Variants in C16orf95 observed in about 807,000 individuals in gnomAD.
C16orf95 encodes uncharacterized protein C16orf95.
A neutral mutation model predicts 32.1 loss-of-function variants in C16orf95; 41 were observed. The observed-to-expected ratio is 1.28, with a 90% confidence interval of 1.00 to 1.66. The LOEUF (loss-of-function observed/expected upper bound fraction) is 1.66. Among genes scored for constraint, C16orf95 ranks in the 40% most tolerant of loss-of-function variants. The probability of loss-of-function intolerance (pLI) is 0.00; values close to 1 mark genes in which losing one functional copy is unlikely to be tolerated. For missense variants in C16orf95, 399 were observed against 325.9 expected (o/e 1.22, Z -1.73); for synonymous variants, 147 against 128.9 (o/e 1.14, Z -0.95).
At position 87,317,372 on chromosome 16, in the gene C16orf95, C is replaced by G; in HGVS notation, c.-130G>C. On this transcript the variant is annotated 5_prime_UTR_variant, in exon 1 of 7. Coordinates refer to ENST00000567970, the MANE Select transcript of C16orf95 (RefSeq NM_001195124.3). ...GCTCAACCCCAGCCCCAACCTCAAC[C>G]GCTCAGAGGAGCCCAACAACGCCCG... The G allele has an allele frequency of 7.1e-7, 1 of 1,405,534 alleles. No homozygotes were observed. The allele number at this position is 1,405,534 out of a possible 1,614,324, so 87.1% of individuals were successfully genotyped here.
intron 5 of C16orf95, among the ~76,000 whole-genome samples, chr16:87,307,887 G>A (rs1044568241): frequency 2.6e-5 from 4 of 152,234 alleles, no homozygotes; most frequent in African/African-American, 9.6e-5. Flanking sequence ...AGAGCTGAGG[G>A]TCCTGGGAAT....
chr16:87,310,360 GTCA>G (rs1327467499), intron 4 of C16orf95, 27 bp from the exon 5 acceptor site: 14 of 1,535,826 alleles, frequency 9.1e-6, no homozygotes, highest in Non-Finnish European at 1.2e-5. Context: ...GAGGCAAGCA[GTCA>G]GCCTGGCGAC....
At chr16:87,314,751 G>C (rs1320745284) in intron 3 of C16orf95, among the ~76,000 whole-genome samples, 1 of 152,140 alleles carries the variant, frequency 6.6e-6, no homozygotes, top group Non-Finnish European at 1.5e-5. Flanking sequence ...ATGATAACTG[G>C]GTACTCATGC....
intron 3 of C16orf95, 60 bp downstream of exon 3, chr16:87,314,911 C>G: frequency 1.4e-6 from 2 of 1,423,290 alleles, no homozygotes; most frequent in Non-Finnish European, 1.9e-6. Context: ...TGAGGGGTGA[C>G]TGGTCAACTG....
intron 1 of C16orf95, among the ~76,000 whole-genome samples, chr16:87,316,107 G>A (rs1904327161): frequency 6.6e-6 from 1 of 152,184 alleles, no homozygotes. Context: ...CTACACTTGT[G>A]CTTGGAGCAT....
chr16:87,310,370 C>A (rs1911226282), intron 4 of C16orf95, 37 bp from the exon 5 acceptor site: 6 of 1,535,248 alleles, frequency 3.9e-6, no homozygotes, highest in African/African-American at 1.4e-5. Context: ...GTCAGCCTGG[C>A]GACCCTCCAA....
rs961499930 is a variant in C16orf95, at chr16:87,303,131, C to T, written c.702-56G>A. The T allele has an allele frequency of 2.0e-6, 3 of 1,524,370 alleles. No homozygotes were observed. The Admixed American group carries it at 5.9e-5, about 30-fold the overall frequency. The allele number at this position is 1,524,370 out of a possible 1,614,324, so 94.4% of individuals were successfully genotyped here. ...CCCGGCCCCAGGCTGAGACCAGCTG[C>T]CCTCAGCGCGTGCCCTTGGGAAACC... On this transcript the variant is annotated intron_variant, in intron 6 of 6. Coordinates refer to ENST00000567970, the MANE Select transcript of C16orf95 (RefSeq NM_001195124.3).
At chr16:87,313,301 A>C (rs751978784) in intron 3 of C16orf95, among the ~76,000 whole-genome samples, 27 of 152,374 alleles carry the variant, frequency 1.8e-4, no homozygotes, top group Admixed American at 5.2e-4. Context: ...TAATCAAGAC[A>C]GTGTAGTATT....
rs1260705476 is a variant in C16orf95 at position 87,310,333 on chromosome 16, T to A, written c.478A>T (p.Ile160Leu). The change falls in exon 5 of 7, where the codon ATA becomes TTA. Residue 160 changes from isoleucine (I) to leucine (L), a missense_variant and splice_region_variant. Coordinates refer to ENST00000567970, the MANE Select transcript of C16orf95 (RefSeq NM_001195124.3). ...VPQVLRSQQQ[I>L]VRRQQSLKGI... is the part of the protein sequence containing the mutation. ...TTCAAACTCTGCTGCCTCCTGACTA[T>A]CTAAAAGACAAGAATGGAGGCAAGC... The A allele has an allele frequency of 6.5e-7, 1 of 1,535,888 alleles. No homozygotes were observed. Among genetic ancestry groups the A allele is most frequent in the Admixed American group, 2.0e-5 (1 of 50,966 alleles).
In C16orf95 at chr16:87,311,220, C is replaced by A. The variant is rs867412641; in HGVS notation, c.407G>T (p.Arg136Leu). 1 of 1,535,760 alleles carries A rather than the reference C, an allele frequency of 6.5e-7. No homozygotes were observed. The highest frequency in any genetic ancestry group is 8.7e-7 in the Non-Finnish European group (1 of 1,146,622). ...CPCLCHRFGG[R>L]LPMPRDQAVM... The stretch of plus-strand genomic sequence containing the variant: ...TGCCTGGTCCCTAGGCATCGGGAGG[C>A]GGCCCCCAAAGCGGTGGCATAGGCA... The change falls in exon 4 of 7, where the codon CGC becomes CTC. Residue 136 changes from arginine (R) to leucine (L), a missense_variant. Physicochemically the swap from Arg to Leu is moderately radical, Grantham distance 102. Coordinates refer to ENST00000567970, the MANE Select transcript of C16orf95 (RefSeq NM_001195124.3).
In C16orf95 at chr16:87,315,840, GA is replaced by G; in HGVS notation, c.153-18del. 6.6e-7 allele frequency: 1 copy of G among 1,525,264 alleles called. No homozygotes were observed. Among genetic ancestry groups the G allele is most frequent in the East Asian group, 2.5e-5 (1 of 40,468 alleles). 94.5% of individuals were successfully genotyped at this position (1,525,264 alleles called of 1,614,324 possible). A position where few individuals can be genotyped will look rare whatever the true frequency, so the allele number is the denominator to read the frequency against. On this transcript the variant is annotated intron_variant, in intron 1 of 6. Coordinates refer to ENST00000567970, the MANE Select transcript of C16orf95 (RefSeq NM_001195124.3). The stretch of plus-strand genomic sequence containing the variant: ...GTGCTATTCCTAGAAGAGAAGAACA[GA>G]AAAGCTTAGGGTTTGTGTAAACTAG...
rs890111725 is a variant in C16orf95, at chr16:87,317,292, C to T, written c.-50G>A. 1.1e-5 allele frequency: 16 copies of T among 1,460,516 alleles called. No individual in the cohort carries two copies. The highest frequency in any genetic ancestry group is 9.4e-5 in the Admixed American group (4 of 42,644). The allele number at this position is 1,460,516 out of a possible 1,614,324, so 90.5% of individuals were successfully genotyped here. A position where few individuals can be genotyped will look rare whatever the true frequency, so the allele number is the denominator to read the frequency against. On this transcript the variant is annotated 5_prime_UTR_variant, in exon 1 of 7. Coordinates refer to ENST00000567970, the MANE Select transcript of C16orf95 (RefSeq NM_001195124.3). ...CTTTCACACACACATCGTCCGCAGG[C>T]CCTGACGCCCTGGCTCCCGCCTTTC...
chr16:87,303,223 G>A (rs1429592791), intron 6 of C16orf95, 148 bp from the exon 7 acceptor site: 4 of 768,108 alleles, frequency 5.2e-6, no homozygotes, highest in African/African-American at 1.7e-5. Flanking sequence ...CAGGGAAGGG[G>A]TGCAGGGATG....
rs1384827000 is a variant in C16orf95, at chr16:87,315,754, A to G, written c.204+18T>C. ...ATGTTGGGGTCAGGGCCAGTGGCTGAGGATTTGCTTTCCTTACCGAATGAC... is the reference window on the plus strand; with the variant it reads ...ATGTTGGGGTCAGGGCCAGTGGCTGGGGATTTGCTTTCCTTACCGAATGAC... On this transcript the variant is annotated intron_variant, in intron 2 of 6. Coordinates refer to ENST00000567970, the MANE Select transcript of C16orf95 (RefSeq NM_001195124.3). 1 of 1,524,186 alleles carries G rather than the reference A, an allele frequency of 6.6e-7. No individual in the cohort carries two copies. The highest frequency in any genetic ancestry group is 8.8e-7 in the Non-Finnish European group (1 of 1,140,384). 94.4% of individuals were successfully genotyped at this position (1,524,186 alleles called of 1,614,324 possible).
intron 6 of C16orf95, 103 bp from the exon 7 acceptor site, chr16:87,303,178 C>T (rs933223193): frequency 4.9e-5 from 56 of 1,152,356 alleles, no homozygotes; most frequent in South Asian, 9.2e-5. Context: ...AAGGCAGAGG[C>T]GCTCCACAGT....
chr16:87,315,621 T>G, intron 2 of C16orf95, 151 bp downstream of exon 2: 1 of 589,068 alleles, frequency 1.7e-6, no homozygotes, highest in Non-Finnish European at 2.8e-6. Context: ...GGAGGTGTTC[T>G]GGAGGCCCAG....
At position 87,302,949 on chromosome 16, in the gene C16orf95, T is replaced by C. The variant is rs948787093; in HGVS notation, c.*108A>G. On this transcript the variant is annotated 3_prime_UTR_variant, in exon 7 of 7. Coordinates refer to ENST00000567970, the MANE Select transcript of C16orf95 (RefSeq NM_001195124.3). ...TGAATCCTGGGTGTGGATTCTGTTCTGAGAAGACAGCGACTGTCACAGACG... is the reference window on the plus strand; with the variant it reads ...TGAATCCTGGGTGTGGATTCTGTTCCGAGAAGACAGCGACTGTCACAGACG... 1.7e-6 allele frequency: 2 copies of C among 1,174,446 alleles called. No homozygotes were observed. Among genetic ancestry groups the C allele is most frequent in the Non-Finnish European group, 2.4e-6 (2 of 817,048 alleles). The allele number at this position is 1,174,446 out of a possible 1,614,324, so 72.8% of individuals were successfully genotyped here. A position where few individuals can be genotyped will look rare whatever the true frequency, so the allele number is the denominator to read the frequency against.
At chr16:87,304,215 G>A (rs1450058341) in intron 6 of C16orf95, among the ~76,000 whole-genome samples, 1 of 152,068 alleles carries the variant, frequency 6.6e-6, no homozygotes, top group Non-Finnish European at 1.5e-5. Context: ...TCACTATGTT[G>A]CCCAAGCTGG....
In C16orf95 at chr16:87,315,003, AG is replaced by A; in HGVS notation, c.297del (p.Trp100GlyfsTer6). ...PVSRVEAALPYWVPLSLRPRK... is the reference protein window; with the variant it reads ...PVSRVEAALPXWVPLSLRPRK... ...CGGGGTCTCAGGGACAGAGGGACCC[AG>A]TAAGGCAGTGCTGCTTCCACCCTGG... On this transcript the variant is annotated frameshift_variant, in exon 3 of 7. Transcript: ENST00000567970. LOFTEE classifies it high-confidence loss of function. 6.5e-7 allele frequency: 1 copy of A among 1,536,162 alleles called. No homozygotes were observed. Among genetic ancestry groups the A allele is most frequent in the East Asian group, 2.4e-5 (1 of 40,912 alleles).
Sources: gnomAD v4.1 joint callset for allele counts (sites outside exome capture counted in the v4.1 genomes callset) on GRCh38, gnomAD v4.1.1 for gene constraint, MANE v1.5 for transcripts, NCBI Gene and HGNC (gene_info 2026-07-23, HGNC 2026-07-21) for gene names.